The following NTS variants were observed in gnomAD, a reference collection of about 807,000 sequenced individuals.
The protein encoded by NTS is neurotensin/neuromedin N.
In NTS, 20 loss-of-function variants were observed where a neutral mutation model predicts 19.5. That is an observed-to-expected ratio of 1.02 (90% CI 0.72 to 1.49). The LOEUF is 1.49. Among genes scored for constraint, NTS ranks in the 40% most tolerant of loss-of-function variants. The pLI is 0.00. For synonymous variants in NTS, 71 were observed against 63.3 expected (o/e 1.12, Z -0.58); for missense variants, 215 against 193.1 (o/e 1.11, Z -0.67).
intron 1 of NTS, among the ~76,000 whole-genome samples, chr12:85,876,139 A>C (rs1881337098): frequency 2.0e-5 from 3 of 151,934 alleles, no homozygotes; most frequent in South Asian, 4.1e-4. Context: ...TTTTGTAAAA[A>C]ACATCTCAAG....
At chr12:85,881,434 C>A (rs1455653572) in intron 3 of NTS, among the ~76,000 whole-genome samples, 1 of 151,958 alleles carries the variant, frequency 6.6e-6, no homozygotes, top group Non-Finnish European at 1.5e-5. Context: ...AAACTCTGGA[C>A]AGATTTCTTA....
Position 85,882,458 on chromosome 12 carries a change from C to T in NTS, c.*83C>T. ...AAATTATATTTGTGTGAAAATGTGA[C>T]AAACACACTTATCTGTCTCTTCTAC... is the stretch of plus-strand genomic sequence containing the variant. On this transcript the variant is annotated 3_prime_UTR_variant, in exon 4 of 4. Transcript: ENST00000256010. The T allele has an allele frequency of 5.6e-6, 6 of 1,080,020 alleles. No homozygotes were observed. Among genetic ancestry groups the T allele is most frequent in the Non-Finnish European group, 7.9e-6 (6 of 755,042 alleles). 66.9% of individuals were successfully genotyped at this position (1,080,020 alleles called of 1,614,324 possible).
chr12:85,877,827 G>A (rs1319380690), intron 2 of NTS, among the ~76,000 whole-genome samples: 1 of 152,060 alleles, frequency 6.6e-6, no homozygotes. Context: ...CTTGGTATAG[G>A]TTTACCTAAT....
chr12:85,877,306 G>T (rs749697617), intron 2 of NTS, among the ~76,000 whole-genome samples: 1 of 151,378 alleles, frequency 6.6e-6, no homozygotes, highest in Non-Finnish European at 1.5e-5. Context: ...GACATTTACC[G>T]TTCTACAATG....
chr12:85,874,764 A>G (rs531044544), intron 1 of NTS, among the ~76,000 whole-genome samples: 6 of 152,178 alleles, frequency 3.9e-5, no homozygotes, highest in Non-Finnish European at 7.3e-5. Flanking sequence ...AAAACTTTCA[A>G]TTAGGCTGAT....
chr12:85,879,759 A>C lies in NTS; in HGVS notation c.360+1190A>C, dbSNP rs190884463. 6.1e-3 allele frequency among the ~76,000 whole-genome samples: 746 copies of C among 122,528 alleles called. 67 individuals are homozygous for C. Among genetic ancestry groups the C allele is most frequent in the Non-Finnish European group, 9.3e-3 (502 of 54,020 alleles). 80.4% of individuals were successfully genotyped at this position (122,528 alleles called of 152,430 possible). On this transcript the variant is annotated intron_variant, in intron 3 of 3. Coordinates refer to ENST00000256010, the MANE Select transcript of NTS (RefSeq NM_006183.5). ...TGTATATAAAATATATTTTTTGTAT[A>C]TTTTTGTATATAAAATATATTTTTT...
intron 2 of NTS, among the ~76,000 whole-genome samples, chr12:85,877,688 G>A (rs533388672): frequency 7.7e-4 from 117 of 151,994 alleles, no homozygotes; most frequent in African/African-American, 2.7e-3. Flanking sequence ...TCCCCTTCCT[G>A]TGCCCATGTG....
chr12:85,874,531 C>T, intron 1 of NTS, 55 bp downstream of exon 1: 4 of 1,199,808 alleles, frequency 3.3e-6, no homozygotes, highest in Middle Eastern at 1.9e-4. Flanking sequence ...TTCTCTTTTG[C>T]AGTGTGTTGC....
rs553774233 is a variant in NTS at position 85,878,573 on chromosome 12, T to C, written c.360+4T>C. The stretch of plus-strand genomic sequence containing the variant: ...CAGGGCTTTTCAACACTGGGAGGTA[T>C]AGCAATAACAAAATATTAATATGAT... On this transcript the variant is annotated splice_donor_region_variant and intron_variant, in intron 3 of 3. Coordinates refer to ENST00000256010, the MANE Select transcript of NTS (RefSeq NM_006183.5). 3.2e-6 allele frequency: 5 copies of C among 1,561,762 alleles called. No individual in the cohort carries two copies. Among genetic ancestry groups the C allele is most frequent in the Admixed American group, 3.6e-5 (2 of 55,924 alleles).
At chr12:85,876,550 GA>G (rs1592548838) in intron 1 of NTS, 89 bp from the exon 2 acceptor site, 1 of 708,166 alleles carries the variant, frequency 1.4e-6, no homozygotes, top group East Asian at 3.2e-5. Flanking sequence ...TAACCTCTAA[GA>G]TTTTTTTTTA....
chr12:85,880,337 A>C (rs1303576867), intron 3 of NTS, among the ~76,000 whole-genome samples: 2 of 152,124 alleles, frequency 1.3e-5, no homozygotes, highest in Non-Finnish European at 2.9e-5. Flanking sequence ...ATTCTTTAAC[A>C]AAATCAAAAC....
intron 1 of NTS, among the ~76,000 whole-genome samples, chr12:85,875,825 G>A (rs1481527124): frequency 6.6e-6 from 1 of 151,960 alleles, no homozygotes; most frequent in Non-Finnish European, 1.5e-5. Context: ...TTAAGCCAAT[G>A]GGTTCTCCAA....
chr12:85,880,351 T>C (rs1881474760), intron 3 of NTS, among the ~76,000 whole-genome samples: 1 of 152,052 alleles, frequency 6.6e-6, no homozygotes, highest in Non-Finnish European at 1.5e-5. Flanking sequence ...TCAAAACAAA[T>C]TTTTAAAAAT....
In NTS at chr12:85,878,382, T is replaced by G; in HGVS notation, c.173T>G (p.Leu58Arg). The G allele has an allele frequency of 6.2e-7, 1 of 1,612,230 alleles. No homozygotes were observed. Among genetic ancestry groups the G allele is most frequent in the South Asian group, 1.1e-5 (1 of 90,786 alleles). Residue 58 changes from leucine to arginine, a missense_variant, in exon 3 of 4, where the codon CTG becomes CGG. Physicochemically the swap from Leu to Arg is moderately radical, Grantham distance 102. Coordinates refer to ENST00000256010, the MANE Select transcript of NTS (RefSeq NM_006183.5). ...KAHVPSWKMTLLNVCSLVNNL... is the reference protein window; with the variant it reads ...KAHVPSWKMTRLNVCSLVNNL... ...CATGTTCCCTCTTGGAAGATGACTC[T>G]GCTAAATGTTTGCAGTCTTGTAAAT...
chr12:85,882,144 G>A (rs1881515999), intron 3 of NTS, 79 bp from the exon 4 acceptor site: 4 of 1,113,226 alleles, frequency 3.6e-6, no homozygotes, highest in Non-Finnish European at 1.3e-6. Flanking sequence ...AACAGCAAAT[G>A]AGATAGAATG....
intron 1 of NTS, among the ~76,000 whole-genome samples, chr12:85,876,122 A>G (rs1275779864): frequency 6.6e-6 from 1 of 151,920 alleles, no homozygotes; most frequent in Non-Finnish European, 1.5e-5. Flanking sequence ...AATTCTTTCA[A>G]CGTGTGTTTT....
chr12:85,880,093 A>G (rs1407012042), intron 3 of NTS, among the ~76,000 whole-genome samples: 2 of 150,856 alleles, frequency 1.3e-5, no homozygotes, highest in Admixed American at 6.6e-5. Flanking sequence ...TTTAATTTAT[A>G]TAAAGGTATA....
intron 3 of NTS, among the ~76,000 whole-genome samples, 185 bp downstream of exon 3, chr12:85,878,754 C>T (rs1881404362): frequency 6.6e-6 from 1 of 152,018 alleles, no homozygotes; most frequent in African/African-American, 2.4e-5. Flanking sequence ...ATTTGAAACT[C>T]AGCAAAATAT....
Position 85,882,989 on chromosome 12 carries a change from A to G in NTS, c.*614A>G, listed in dbSNP as rs1881537999. On this transcript the variant is annotated 3_prime_UTR_variant, in exon 4 of 4. Transcript: ENST00000256010. The stretch of plus-strand genomic sequence containing the variant: ...AATAAAAAGACAACTAGCCATCAAA[A>G]TCATATGTTTCTCTACAGATTTAGT... The G allele has an allele frequency of 6.6e-6, 1 of 152,108 alleles. No individual in the cohort carries two copies. The highest frequency in any genetic ancestry group is 2.4e-5 in the African/African-American group (1 of 41,434). The allele number at this position is 152,108 out of a possible 1,614,324, so 9.4% of individuals were successfully genotyped here.
Sources: gnomAD v4.1 joint callset for allele counts (sites outside exome capture counted in the v4.1 genomes callset) on GRCh38, gnomAD v4.1.1 for gene constraint, MANE v1.5 for transcripts, NCBI Gene and HGNC (gene_info 2026-07-23, HGNC 2026-07-21) for gene names.